AHNAK: variants seen among roughly 807,000 people sequenced by gnomAD.
The protein encoded by AHNAK is AHNAK nucleoprotein.
Under a neutral mutation model 37.8 loss-of-function variants are expected in AHNAK, and 23 were observed. The observed-to-expected ratio is 0.61, with a 90% CI of 0.44 to 0.86. The LOEUF is 0.86. AHNAK is among the 40% of genes least tolerant of loss of function. The pLI, the probability that AHNAK is intolerant of heterozygous loss-of-function variation, is 0.00. For synonymous variants in AHNAK, 2,481 were observed against 2,636.3 expected (o/e 0.94, Z 1.80); for missense variants, 7,411 against 7,319.4 (o/e 1.01, Z -0.46).
chr11:62,532,833 A>G lies in AHNAK; in HGVS notation c.1584T>C (p.Asp528=), dbSNP rs138613634. The part of the protein sequence containing the change: ...IKVSAPGVQG[D]VKGPQVALKG... ...TAAGTGCCACTTGAGGGCCTTTAACATCACCTTGCACCCCAGGAGCAGAAA... is the reference window on the plus strand; with the variant it reads ...TAAGTGCCACTTGAGGGCCTTTAACGTCACCTTGCACCCCAGGAGCAGAAA... The change falls in exon 5 of 5, where the codon GAT becomes GAC. Residue 528 remains aspartate (D), a synonymous_variant. Coordinates refer to ENST00000378024, the MANE Select transcript of AHNAK (RefSeq NM_001620.3). 3 of 1,613,890 alleles carry G rather than the reference A, an allele frequency of 1.9e-6. No homozygotes were observed. The African/African-American group carries it at 4.0e-5, about 22-fold the overall frequency.
chr11:62,538,083 C>A lies in AHNAK; in HGVS notation c.-99-1516G>T, dbSNP rs1941009495. ...CCTCCAAGCAGGAATGTCAGTGTTCCACCTCCCTCAGAGACAGAGACTTGG... is the reference window on the plus strand; with the variant it reads ...CCTCCAAGCAGGAATGTCAGTGTTCAACCTCCCTCAGAGACAGAGACTTGG... On this transcript the variant is annotated intron_variant, in intron 1 of 4. Transcript: ENST00000378024. 2.0e-5 allele frequency among the ~76,000 whole-genome samples: 3 copies of A among 152,192 alleles called. No homozygotes were observed. The South Asian group carries it at 6.2e-4, about 32-fold the overall frequency.
intron 5 of AHNAK, among the ~76,000 whole-genome samples, chr11:62,469,486 A>G (rs1938985025): frequency 6.7e-6 from 1 of 149,982 alleles, no homozygotes; most frequent in African/African-American, 2.5e-5. Context: ...TTTGTTCGAG[A>G]CAGAGTCTCA....
chr11:62,471,985 G>A (rs1301328245), intron 5 of AHNAK, among the ~76,000 whole-genome samples: 6 of 152,174 alleles, frequency 3.9e-5, no homozygotes, highest in East Asian at 1.9e-4. Context: ...ACGACCACTC[G>A]CCCCAGGGTC....
rs116264853 is a variant in AHNAK at position 62,531,116 on chromosome 11, C to T, written c.3301G>A (p.Val1101Met). The T allele has an allele frequency of 1.2e-6, 2 of 1,614,184 alleles. No individual in the cohort carries two copies. The highest frequency in any genetic ancestry group is 8.5e-7 in the Non-Finnish European group (1 of 1,180,036). Residue 1101 changes from valine (V) to methionine (M), a missense_variant, in exon 5 of 5, where the codon GTG (valine) becomes ATG (methionine). Transcript: ENST00000378024. Reference protein sequence around the residue: ...KIEGEMQVPDVDIRGPKVDIK... With the variant: ...KIEGEMQVPDMDIRGPKVDIK... ...TCTACCTTGGGACCTCTGATGTCCA[C>T]ATCTGGAACCTGCATTTCACCCTCT...
Position 62,519,950 on chromosome 11 carries a change from C to A in AHNAK, c.14467G>T (p.Val4823Leu), listed in dbSNP as rs1302825700. 1.9e-6 allele frequency: 3 copies of A among 1,613,196 alleles called. No homozygotes were observed. The Admixed American group carries it at 5.0e-5, about 27-fold the overall frequency. ...TTTGCGTCTGGACCTTCGATATTCACATCTGGAATATCAACGTCCACCTTG... is the reference window on the plus strand; with the variant it reads ...TTTGCGTCTGGACCTTCGATATTCAAATCTGGAATATCAACGTCCACCTTG... ...GPKVDVDIPD[V>L]NIEGPDAKLK... Residue 4823 changes from valine (V) to leucine (L), a missense_variant, in exon 5 of 5, where the codon GTG (valine) becomes TTG (leucine). Val to Leu is a conservative substitution (Grantham distance 32). Transcript: ENST00000378024.
chr11:62,450,220 A>G (rs757807800), intron 5 of AHNAK, among the ~76,000 whole-genome samples: 12 of 151,598 alleles, frequency 7.9e-5, no homozygotes, highest in Non-Finnish European at 1.3e-4. Context: ...CAATGGTGTG[A>G]TCTCACGGCA....
At chr11:62,474,602 C>G (rs951837006) in intron 5 of AHNAK, among the ~76,000 whole-genome samples, 24 of 152,204 alleles carry the variant, frequency 1.6e-4, no homozygotes, top group African/African-American at 5.8e-4. Context: ...AACTCTGCAG[C>G]CTCAATTTCC....
At position 62,525,196 on chromosome 11, in the gene AHNAK, A is replaced by G. The variant is rs746640662; in HGVS notation, c.9221T>C (p.Leu3074Ser). The G allele has an allele frequency of 5.6e-6, 9 of 1,610,302 alleles. No homozygotes were observed. The African/African-American group carries it at 1.2e-4, about 22-fold the overall frequency. ...AGGCATTTTGAATTTGGGACCTTTC[A>G]ACTTTCCCTCTGGGCCTTCGATATT... is the stretch of plus-strand genomic sequence containing the variant. ...DVNIEGPEGK[L>S]KGPKFKMPEM... Residue 3074 changes from leucine (L) to serine (S), a missense_variant, in exon 5 of 5, where the codon TTG becomes TCG. Coordinates refer to ENST00000378024, the MANE Select transcript of AHNAK (RefSeq NM_001620.3).
chr11:62,536,689 C>A (rs1218548147), intron 1 of AHNAK, 122 bp from the exon 2 acceptor site: 1 of 152,360 alleles, frequency 6.6e-6, no homozygotes, highest in Non-Finnish European at 1.5e-5. Flanking sequence ...ACCCCCACCA[C>A]CGCCGTCAAT....
At chr11:62,537,971 G>A (rs973996245) in intron 1 of AHNAK, among the ~76,000 whole-genome samples, 5 of 151,964 alleles carry the variant, frequency 3.3e-5, no homozygotes, top group Admixed American at 6.5e-5. Context: ...CGTGACCACC[G>A]CACCCGGCCG....
Position 62,529,420 on chromosome 11 carries a change from T to G in AHNAK, c.4997A>C (p.Lys1666Thr). Residue 1666 changes from lysine to threonine, a missense_variant, in exon 5 of 5, where the codon AAA becomes ACA. Transcript: ENST00000378024. ...PDVDLHLKGP[K>T]VKGDMDVSVP... ...AGACACATCCATATCCCCTTTGACT[T>G]TGGGGCCTTTCAAGTGTAAGTCCAC... 1 of 1,614,074 alleles carries G rather than the reference T, an allele frequency of 6.2e-7. No individual in the cohort carries two copies. The highest frequency in any genetic ancestry group is 8.5e-7 in the Non-Finnish European group (1 of 1,180,018).
In AHNAK at chr11:62,526,532, C is replaced by A. The variant is rs1245667192; in HGVS notation, c.7885G>T (p.Val2629Phe). The A allele has an allele frequency of 1.2e-6, 2 of 1,612,702 alleles. No homozygotes were observed. The highest frequency in any genetic ancestry group is 1.7e-6 in the Non-Finnish European group (2 of 1,179,780). The change falls in exon 5 of 5, where the codon GTT becomes TTT. Residue 2629 changes from valine (V) to phenylalanine (F), a missense_variant. Val to Phe is a conservative substitution (Grantham distance 50). Transcript: ENST00000378024. ...KVDINAPDVG[V>F]QGPDWHLKMP... is the part of the protein sequence containing the mutation. ...TTCAGGTGCCAGTCTGGGCCTTGAA[C>A]ACCCACATCTGGGGCATTAATATCC...
At chr11:62,472,060 G>A (rs1765999192) in intron 5 of AHNAK, among the ~76,000 whole-genome samples, 1 of 151,968 alleles carries the variant, frequency 6.6e-6, no homozygotes, top group Admixed American at 6.6e-5. Context: ...GAGGAAGCAC[G>A]CACAGCCCCC....
In AHNAK at chr11:62,531,169, C is replaced by T. The variant is rs116156544; in HGVS notation, c.3248G>A (p.Gly1083Glu). ...DLDLKGPKMK[G>E]NVDISAPKIE... ...CTTTGGTGCAGAGATATCTACATTTCCTTTCATTTTGGGTCCTTTAAGATC... is the reference window on the plus strand; with the variant it reads ...CTTTGGTGCAGAGATATCTACATTTTCTTTCATTTTGGGTCCTTTAAGATC... The change falls in exon 5 of 5, where the codon GGA becomes GAA. Residue 1083 changes from glycine to glutamate, a missense_variant. Coordinates refer to ENST00000378024, the MANE Select transcript of AHNAK (RefSeq NM_001620.3). The T allele has an allele frequency of 4.3e-6, 7 of 1,613,940 alleles. No individual in the cohort carries two copies. The East Asian group carries it at 1.6e-4, about 36-fold the overall frequency.
At chr11:62,455,886 A>C (rs1938648153) in intron 5 of AHNAK, among the ~76,000 whole-genome samples, 1 of 150,740 alleles carries the variant, frequency 6.6e-6, no homozygotes, top group Non-Finnish European at 1.5e-5. Flanking sequence ...AAAACTATAC[A>C]AAATTAACTA....
intron 4 of AHNAK, among the ~76,000 whole-genome samples, chr11:62,495,586 A>T (rs1190981864): frequency 6.6e-6 from 1 of 151,244 alleles, no homozygotes; most frequent in African/African-American, 2.4e-5. Flanking sequence ...CAAAAAAAAA[A>T]ACATTAGCTG....
intron 5 of AHNAK, among the ~76,000 whole-genome samples, chr11:62,477,319 C>G (rs1174202341): frequency 6.6e-6 from 1 of 152,128 alleles, no homozygotes; most frequent in African/African-American, 2.4e-5. Flanking sequence ...ATTTCAAATA[C>G]ATGGTCTGAA....
At chr11:62,535,274 C>T in intron 3 of AHNAK, 84 bp from the exon 4 acceptor site, 1 of 1,235,002 alleles carries the variant, frequency 8.1e-7, no homozygotes, top group Admixed American at 2.2e-5. Context: ...GGGCACTGAA[C>T]TGACTTGAAC....
At position 62,528,006 on chromosome 11, in the gene AHNAK, C is replaced by A; in HGVS notation, c.6411G>T (p.Val2137=). 6.2e-7 allele frequency: 1 copy of A among 1,613,934 alleles called. No individual in the cohort carries two copies. ...AATCTCCCTCCAATTTTGGCAAAGA[C>A]ACATCCACATCCCCTTTGACTTTGG... ...KGPKVKGDVD[V]SLPKLEGDLT... The change falls in exon 5 of 5, where the codon GTG becomes GTT. Residue 2137 remains valine, a synonymous_variant. Coordinates refer to ENST00000378024, the MANE Select transcript of AHNAK (RefSeq NM_001620.3).
Sources: gnomAD v4.1 joint callset for allele counts (sites outside exome capture counted in the v4.1 genomes callset) on GRCh38, gnomAD v4.1.1 for gene constraint, MANE v1.5 for transcripts, NCBI Gene and HGNC (gene_info 2026-07-23, HGNC 2026-07-21) for gene names.